The following KIF21A variants were observed in gnomAD, a reference collection of about 807,000 sequenced individuals.
The protein encoded by KIF21A is kinesin-like protein KIF21A.
KIF21A carries 114 observed loss-of-function variants against 202.9 expected under a neutral mutation model. That is an observed-to-expected ratio of 0.56 (90% CI 0.48 to 0.66). KIF21A has a LOEUF of 0.66. Among genes scored for constraint, KIF21A ranks in the 30% least tolerant of loss-of-function variants. KIF21A has a pLI of 0.00. For missense variants in KIF21A, 1,677 were observed against 1,994.9 expected, an observed-to-expected ratio of 0.84 and a Z score of 3.04; for synonymous variants, 667 against 670.8, an observed-to-expected ratio of 0.99 and a Z score of 0.09.
intron 17 of KIF21A, among the ~76,000 whole-genome samples, chr12:39,334,909 TAAAG>T (rs1369799307): frequency 1.3e-5 from 2 of 152,120 alleles, no homozygotes; most frequent in Non-Finnish European, 2.9e-5. Context: ...GAATTAGTAA[TAAAG>T]AAATAGGTAG....
chr12:39,367,827 C>T (rs1949700629), intron 4 of KIF21A, 56 bp downstream of exon 4: 1 of 1,344,646 alleles, frequency 7.4e-7, no homozygotes, highest in Non-Finnish European at 1.1e-6. Context: ...ATCAGCAAAG[C>T]TCACTATTTA....
At chr12:39,296,697 C>CA (rs1432408565) in intron 37 of KIF21A, among the ~76,000 whole-genome samples, 4 of 152,172 alleles carry the variant, frequency 2.6e-5, no homozygotes, top group Non-Finnish European at 5.9e-5. Context: ...CAAATGCCCT[C>CA]AGGCAGGAGT....
intron 25 of KIF21A, 23 bp from the exon 26 acceptor site, chr12:39,325,916 G>A (rs1289449007): frequency 1.9e-6 from 3 of 1,590,952 alleles, no homozygotes; most frequent in Non-Finnish European, 8.6e-7. Context: ...AAATAATTAA[G>A]CACAAGATTA....
intron 1 of KIF21A, among the ~76,000 whole-genome samples, chr12:39,380,774 A>G (rs1054481905): frequency 6.6e-6 from 1 of 152,164 alleles, no homozygotes; most frequent in Non-Finnish European, 1.5e-5. Flanking sequence ...AAAATTCAAG[A>G]AAGGAGGAGT....
intron 1 of KIF21A, among the ~76,000 whole-genome samples, chr12:39,378,196 T>A (rs1434507742): frequency 1.3e-5 from 2 of 152,208 alleles, no homozygotes; most frequent in African/African-American, 4.8e-5. Flanking sequence ...CATCTTCCTC[T>A]GACTTCCACT....
chr12:39,358,005 T>C (rs975396367), intron 8 of KIF21A, among the ~76,000 whole-genome samples, 173 bp downstream of exon 8: 1 of 129,412 alleles, frequency 7.7e-6, no homozygotes, highest in South Asian at 2.7e-4. Context: ...AGACTGAACA[T>C]AGTTAAAGAC....
At chr12:39,425,246 T>G (rs76190605) in intron 1 of KIF21A, among the ~76,000 whole-genome samples, 2 of 152,086 alleles carry the variant, frequency 1.3e-5, no homozygotes, top group Non-Finnish European at 2.9e-5. Flanking sequence ...TAAAAAAAAA[T>G]ATTTATTGTC....
chr12:39,358,165 C>G lies in KIF21A; in HGVS notation c.1215+13G>C. 6.2e-7 allele frequency: 1 copy of G among 1,612,622 alleles called. No individual in the cohort carries two copies. The highest frequency in any genetic ancestry group is 8.5e-7 in the Non-Finnish European group (1 of 1,178,700). ...ATGTATCACAAAATGCAAAGTCAAA[C>G]TCATTAGCTTACTGTTTTGTACTCC... On this transcript the variant is annotated intron_variant, in intron 8 of 37. Coordinates refer to ENST00000361418, the MANE Select transcript of KIF21A (RefSeq NM_001173464.2).
chr12:39,357,836 G>C (rs533306923), intron 8 of KIF21A, among the ~76,000 whole-genome samples: 6 of 139,296 alleles, frequency 4.3e-5, no homozygotes, highest in Middle Eastern at 4.2e-3. Context: ...TTTAACCCGG[G>C]AGGCGGAAGT....
chr12:39,311,598 CA>C, intron 31 of KIF21A, 45 bp from the exon 32 acceptor site: 1 of 1,606,924 alleles, frequency 6.2e-7, no homozygotes, highest in Non-Finnish European at 8.5e-7. Context: ...ACTTCAGTAT[CA>C]TGAGACTATA....
At chr12:39,386,583 AACAAACAGT>A (rs541260250) in intron 1 of KIF21A, among the ~76,000 whole-genome samples, 86 of 152,326 alleles carry the variant, frequency 5.6e-4, no homozygotes, top group African/African-American at 2.0e-3. Context: ...GTGCTGACAA[AACAAACAGT>A]AAGATGAAAA....
chr12:39,428,827 G>A (rs1003092333), intron 1 of KIF21A, among the ~76,000 whole-genome samples: 34 of 152,076 alleles, frequency 2.2e-4, no homozygotes, highest in Non-Finnish European at 2.5e-4. Flanking sequence ...ACGTGGTGGC[G>A]TATGCCTGTA....
chr12:39,375,659 AC>A (rs1950225430), intron 1 of KIF21A, among the ~76,000 whole-genome samples: 1 of 152,088 alleles, frequency 6.6e-6, no homozygotes, highest in Non-Finnish European at 1.5e-5. Context: ...AGCTCACATT[AC>A]TTATTGTACC....
chr12:39,416,959 C>G (rs900638952), intron 1 of KIF21A, among the ~76,000 whole-genome samples: 1 of 151,190 alleles, frequency 6.6e-6, no homozygotes, highest in Non-Finnish European at 1.5e-5. Context: ...AGGATTCACT[C>G]TCTAATCTGC....
intron 11 of KIF21A, among the ~76,000 whole-genome samples, chr12:39,350,901 G>A (rs746843515): frequency 2.5e-4 from 38 of 151,974 alleles, no homozygotes; most frequent in Non-Finnish European, 5.2e-4. Flanking sequence ...TAGGCTAAAC[G>A]TCTACATCAA....
chr12:39,382,628 G>T (rs1246565624), intron 1 of KIF21A, among the ~76,000 whole-genome samples: 1 of 152,088 alleles, frequency 6.6e-6, no homozygotes, highest in Non-Finnish European at 1.5e-5. Context: ...ATTTGAATTT[G>T]CTATACGAAA....
At chr12:39,321,191 C>T (rs1006250830) in intron 27 of KIF21A, among the ~76,000 whole-genome samples, 1 of 152,104 alleles carries the variant, frequency 6.6e-6, no homozygotes, top group African/African-American at 2.4e-5. Flanking sequence ...AGTGACCAAA[C>T]TCTCACAATG....
rs1459792944 is a variant in KIF21A, at chr12:39,315,236, A to G, written c.3952T>C (p.Ser1318Pro). The G allele has an allele frequency of 1.9e-6, 3 of 1,612,014 alleles. No homozygotes were observed. Among genetic ancestry groups the G allele is most frequent in the Non-Finnish European group, 2.5e-6 (3 of 1,178,610 alleles). Residue 1318 changes from serine (S) to proline (P), a missense_variant, in exon 31 of 38, where the codon TCC becomes CCC. By Grantham distance (74) the Ser-to-Pro change is moderately conservative. This residue lies in a region of KIF21A where 705 missense variants were observed against 791.9 expected (regional missense o/e 0.89). Coordinates refer to ENST00000361418, the MANE Select transcript of KIF21A (RefSeq NM_001173464.2). ...DSSLSEVHRS[S>P]RRGIINPFPA... ...CTCCCTTCCCCTGCCTACCTTCTGG[A>G]GGATCTGCTGATGATCAGCAAAAAT...
intron 24 of KIF21A, among the ~76,000 whole-genome samples, chr12:39,327,203 T>A (rs1946037928): frequency 6.6e-6 from 1 of 152,224 alleles, no homozygotes; most frequent in African/African-American, 2.4e-5. Context: ...TAATTTTTAA[T>A]TTTATATAAT....
Sources: gnomAD v4.1 joint callset for allele counts (sites outside exome capture counted in the v4.1 genomes callset) on GRCh38, gnomAD v4.1.1 for gene constraint, gnomAD v4.1.1 regional missense constraint, MANE v1.5 for transcripts, NCBI Gene and HGNC (gene_info 2026-07-23, HGNC 2026-07-21) for gene names.